Variants in LYN observed in about 807,000 individuals in gnomAD.
LYN encodes tyrosine-protein kinase Lyn.
LYN carries 12 observed loss-of-function variants against 65.0 expected under a neutral mutation model. That is an observed-to-expected ratio of 0.18 (90% CI 0.12 to 0.30). LYN has a LOEUF of 0.30. Ranked by LOEUF, LYN falls within the 10% of genes least tolerant of loss-of-function variation. The pLI is 1.00. For synonymous variants in LYN, 222 were observed against 221.2 expected (o/e 1.00, Z -0.03); for missense variants, 380 against 623.2 (o/e 0.61, Z 4.16).
chr8:55,902,330 T>TC, intron 1 of LYN, among the ~76,000 whole-genome samples: 1 of 34,692 alleles, frequency 2.9e-5, no homozygotes, highest in Non-Finnish European at 6.2e-5. Context: ...TTTCTTTCTT[T>TC]CTTTTTTTTT....
At chr8:55,982,306 TG>T (rs1807949222) in intron 10 of LYN, among the ~76,000 whole-genome samples, 2 of 152,188 alleles carry the variant, frequency 1.3e-5, no homozygotes, top group Non-Finnish European at 2.9e-5. Context: ...GATTTGGTTT[TG>T]TTTTTTTTTT....
intron 8 of LYN, 76 bp downstream of exon 8, chr8:55,954,060 T>C: frequency 6.7e-7 from 1 of 1,497,754 alleles, no homozygotes; most frequent in Non-Finnish European, 9.2e-7. Flanking sequence ...CCAATTTCGA[T>C]CAGCTTCTGA....
At chr8:55,892,372 AC>A (rs574528307) in intron 1 of LYN, among the ~76,000 whole-genome samples, 5 of 152,316 alleles carry the variant, frequency 3.3e-5, no homozygotes, top group Admixed American at 3.3e-4. Flanking sequence ...TTGAGCTGAG[AC>A]CACGCCGTTG....
intron 1 of LYN, among the ~76,000 whole-genome samples, chr8:55,925,881 A>G (rs868844227): frequency 6.6e-6 from 1 of 152,196 alleles, no homozygotes; most frequent in Non-Finnish European, 1.5e-5. Flanking sequence ...AGAAAAACCA[A>G]CTCACCACAG....
At chr8:56,002,301 C>T (rs1034911924) in intron 12 of LYN, among the ~76,000 whole-genome samples, 1 of 152,068 alleles carries the variant, frequency 6.6e-6, no homozygotes, top group Non-Finnish European at 1.5e-5. Flanking sequence ...CGCCTGTAGT[C>T]CCAGCTACTC....
intron 9 of LYN, among the ~76,000 whole-genome samples, chr8:55,967,497 GT>G (rs1387417012): frequency 1.3e-5 from 2 of 151,760 alleles, no homozygotes; most frequent in Non-Finnish European, 2.9e-5. Context: ...TGTATTTTTA[GT>G]AGAGATGGGG....
At position 55,947,741 on chromosome 8, in the gene LYN, C is replaced by T. The variant is rs376920695; in HGVS notation, c.284+18C>T. The T allele has an allele frequency of 2.8e-5, 44 of 1,547,160 alleles. No individual in the cohort carries two copies. Among genetic ancestry groups the T allele is most frequent in the South Asian group, 1.0e-4 (9 of 89,770 alleles). ...CTGGAGGAGTAAGTGCTCTCAAGCA[C>T]GCCACGGCTGCTCGTTTCCTCAGGC... On this transcript the variant is annotated intron_variant, in intron 4 of 12. Coordinates refer to ENST00000519728, the MANE Select transcript of LYN (RefSeq NM_002350.4).
intron 2 of LYN, 135 bp downstream of exon 2, chr8:55,942,126 C>T: frequency 4.6e-6 from 4 of 863,022 alleles, no homozygotes; most frequent in Non-Finnish European, 5.3e-6. Context: ...TTTTGATATG[C>T]TTTGTAACTT....
intron 1 of LYN, among the ~76,000 whole-genome samples, chr8:55,939,373 A>G (rs1284624803): frequency 2.0e-5 from 3 of 152,180 alleles, no homozygotes; most frequent in Non-Finnish European, 2.9e-5. Context: ...GCATAAATAA[A>G]TGGCCATCTA....
rs921468700 is a variant in LYN, at chr8:55,942,368, T to C, written c.132+377T>C. ...GTGTATATATATGTGTATATATATG[T>C]GTATATATATGTGTATATATATATG... On this transcript the variant is annotated intron_variant, in intron 2 of 12. Transcript: ENST00000519728. Among the ~76,000 whole-genome samples the C allele has an allele frequency of 4.8e-4, 69 of 142,798 alleles. 1 individual carries two copies. The highest frequency in any genetic ancestry group is 1.8e-3 in the African/African-American group (69 of 38,096). 93.7% of individuals were successfully genotyped at this position (142,798 alleles called of 152,430 possible). A position where few individuals can be genotyped will look rare whatever the true frequency, so the allele number is the denominator to read the frequency against.
intron 1 of LYN, among the ~76,000 whole-genome samples, chr8:55,923,831 G>T (rs756005159): frequency 2.0e-5 from 3 of 151,648 alleles, no homozygotes; most frequent in Non-Finnish European, 4.4e-5. Flanking sequence ...GAGCCACCGC[G>T]CCCGGCCAAG....
intron 1 of LYN, among the ~76,000 whole-genome samples, chr8:55,910,822 T>G (rs1388912077): frequency 6.6e-6 from 1 of 151,924 alleles, no homozygotes; most frequent in African/African-American, 2.4e-5. Flanking sequence ...CTTGTTGCAG[T>G]TGAATTAGGT....
intron 1 of LYN, among the ~76,000 whole-genome samples, chr8:55,900,256 A>G (rs1805222611): frequency 6.6e-6 from 1 of 152,258 alleles, no homozygotes. Flanking sequence ...CGTCAAGTTT[A>G]AAGCATGATG....
intron 1 of LYN, among the ~76,000 whole-genome samples, chr8:55,909,993 CTTTTTTT>C (rs56923750): frequency 2.2e-4 from 31 of 138,068 alleles, no homozygotes; most frequent in Non-Finnish European, 4.1e-4. Flanking sequence ...GTGTGTGTGT[CTTTTTTT>C]TTTTTTTTTT....
chr8:55,971,907 AGCCTG>A (rs1807619070), intron 10 of LYN, among the ~76,000 whole-genome samples: 1 of 152,196 alleles, frequency 6.6e-6, no homozygotes, highest in Non-Finnish European at 1.5e-5. Flanking sequence ...ATTACCACAG[AGCCTG>A]GCATTGACTG....
chr8:55,945,487 T>C (rs1220236095), intron 2 of LYN, among the ~76,000 whole-genome samples: 1 of 152,208 alleles, frequency 6.6e-6, no homozygotes, highest in Non-Finnish European at 1.5e-5. Flanking sequence ...AATGGAGATT[T>C]TATGGGCTTT....
In LYN at chr8:55,900,078, A is replaced by G. The variant is rs190358988; in HGVS notation, c.-6+19975A>G. On this transcript the variant is annotated intron_variant, in intron 1 of 12. Coordinates refer to ENST00000519728, the MANE Select transcript of LYN (RefSeq NM_002350.4). ...TGCTCCAGGAATCTAATGCGCTGCC[A>G]CTCGAACTTCAGGAAGACAAGAGCT... 3.6e-3 allele frequency among the ~76,000 whole-genome samples: 543 copies of G among 152,278 alleles called. 2 individuals are homozygous for G. Among genetic ancestry groups the G allele is most frequent in the African/African-American group, 0.013 (524 of 41,552 alleles).
intron 2 of LYN, among the ~76,000 whole-genome samples, chr8:55,942,371 ATATATATGTG>A (rs1563521223): frequency 2.9e-5 from 4 of 139,238 alleles, no homozygotes; most frequent in African/African-American, 1.1e-4. Flanking sequence ...ATATATGTGT[ATATATATGTG>A]TATATATATA....
chr8:55,902,929 A>T, intron 1 of LYN: 1 of 301,460 alleles, frequency 3.3e-6, no homozygotes, highest in Non-Finnish European at 6.6e-6. Flanking sequence ...ACTCACTGCA[A>T]CCTCCGCCTC....
Sources: allele counts gnomAD v4.1 joint callset (sites outside exome capture counted in the v4.1 genomes callset), GRCh38; gene constraint gnomAD v4.1.1; transcripts MANE v1.5; gene names NCBI Gene and HGNC (gene_info 2026-07-23, HGNC 2026-07-21).